The following GDF10 variants were observed in gnomAD, a reference collection of about 807,000 sequenced individuals.
GDF10 encodes the protein growth differentiation factor 10, also known as growth/differentiation factor 10.
In GDF10, 23 loss-of-function variants were observed where a neutral mutation model predicts 32.1. That is an observed-to-expected ratio of 0.72 (90% CI 0.52 to 1.02). The LOEUF (loss-of-function observed/expected upper bound fraction) is 1.02. Among genes scored for constraint, GDF10 ranks in the 50% least tolerant of loss-of-function variants. The pLI is 0.00. For synonymous variants in GDF10, 328 were observed against 303.1 expected (o/e 1.08, Z -0.85); for missense variants, 764 against 673.9 (o/e 1.13, Z -1.48).
At chr10:47,302,398 G>A (rs989331669) in intron 1 of GDF10, among the ~76,000 whole-genome samples, 2 of 152,210 alleles carry the variant, frequency 1.3e-5, no homozygotes, top group Non-Finnish European at 2.9e-5. Flanking sequence ...ATTCCTGTGG[G>A]TTTAAACTTG....
At chr10:47,312,412 T>C (rs2061049750) in intron 2 of GDF10, among the ~76,000 whole-genome samples, 189 bp from the exon 3 acceptor site, 1 of 152,120 alleles carries the variant, frequency 6.6e-6, no homozygotes, top group African/African-American at 2.4e-5. Flanking sequence ...ACTCAGCGTA[T>C]GTCTGATTTT....
At chr10:47,304,266 A>G (rs1346084294) in intron 1 of GDF10, among the ~76,000 whole-genome samples, 1 of 152,108 alleles carries the variant, frequency 6.6e-6, no homozygotes, top group Non-Finnish European at 1.5e-5. Flanking sequence ...GGCCATGGAG[A>G]GCCATGAGTA....
At chr10:47,303,215 G>T (rs1326138227) in intron 1 of GDF10, among the ~76,000 whole-genome samples, 2 of 152,194 alleles carry the variant, frequency 1.3e-5, no homozygotes, top group Non-Finnish European at 1.5e-5. Flanking sequence ...CTTCAGCTCT[G>T]GTCCGAGAAC....
chr10:47,305,609 A>C, intron 1 of GDF10, among the ~76,000 whole-genome samples: 1 of 152,302 alleles, frequency 6.6e-6, no homozygotes, highest in Non-Finnish European at 1.5e-5. Flanking sequence ...CAGTGGGTGA[A>C]GGGACAGATC....
chr10:47,303,507 T>G (rs1377144457), intron 1 of GDF10, among the ~76,000 whole-genome samples: 4 of 152,134 alleles, frequency 2.6e-5, no homozygotes, highest in Admixed American at 6.5e-5. Flanking sequence ...CTTATAGGAT[T>G]TTTTTTAATG....
chr10:47,302,077 T>C (rs1555206894), intron 1 of GDF10, among the ~76,000 whole-genome samples: 1 of 152,208 alleles, frequency 6.6e-6, no homozygotes, highest in Non-Finnish European at 1.5e-5. Flanking sequence ...TCCAGGCCAA[T>C]TGGATCTAAC....
In GDF10 at chr10:47,310,075, T is replaced by C. The variant is rs782252429; in HGVS notation, c.599T>C (p.Leu200Pro). 5 of 1,606,686 alleles carry C rather than the reference T, an allele frequency of 3.1e-6. No homozygotes were observed. In the African/African-American group the frequency reaches 6.7e-5, roughly 21 times the overall value. ...AMALAPPPRGLWQAKDISPIV... is the reference protein window; with the variant it reads ...AMALAPPPRGPWQAKDISPIV... ...GCCCTGGCGCCCCCACCGCGCGGCC[T>C]GTGGCAGGCCAAGGACATCTCCCCC... The change falls in exon 2 of 3, where the codon CTG (leucine) becomes CCG (proline). Residue 200 changes from leucine (L) to proline (P), a missense_variant. By Grantham distance (98) the Leu-to-Pro change is moderately conservative (BLOSUM62 -3). Coordinates refer to ENST00000580279, the MANE Select transcript of GDF10 (RefSeq NM_004962.5).
At position 47,300,680 on chromosome 10, in the gene GDF10, C is replaced by T. The variant is rs2061000531; in HGVS notation, c.29C>T (p.Pro10Leu). 2 of 1,603,602 alleles carry T rather than the reference C, an allele frequency of 1.2e-6. No homozygotes were observed. The highest frequency in any genetic ancestry group is 1.7e-6 in the Non-Finnish European group (2 of 1,176,870). ...GCTCATGTCCCCGCTCGGACCAGCC[C>T]GGGACCCGGGCCCCAGCTGCTGCTG... Reference protein sequence around the residue: MAHVPARTSPGPGPQLLLLL... With the variant: MAHVPARTSLGPGPQLLLLL... Residue 10 changes from proline (P) to leucine (L), a missense_variant, in exon 1 of 3, where the codon CCG becomes CTG. Pro to Leu is a moderately conservative substitution (Grantham distance 98). Coordinates refer to ENST00000580279, the MANE Select transcript of GDF10 (RefSeq NM_004962.5).
At chr10:47,308,658 G>T (rs1555207313) in intron 1 of GDF10, among the ~76,000 whole-genome samples, 1 of 152,112 alleles carries the variant, frequency 6.6e-6, no homozygotes, top group Non-Finnish European at 1.5e-5. Context: ...CACTTCCCGG[G>T]CTTGGGAGCC....
chr10:47,311,842 C>T (rs1555207809), intron 2 of GDF10, among the ~76,000 whole-genome samples: 2 of 152,230 alleles, frequency 1.3e-5, no homozygotes, highest in Non-Finnish European at 1.5e-5. Context: ...CACACCCACA[C>T]AAGAGGGCTT....
At chr10:47,303,241 T>C (rs1555206968) in intron 1 of GDF10, among the ~76,000 whole-genome samples, 2 of 152,212 alleles carry the variant, frequency 1.3e-5, no homozygotes, top group African/African-American at 4.8e-5. Context: ...AGTCTCAGCC[T>C]GCTCCCCAGT....
In GDF10 at chr10:47,312,946, G is replaced by T; in HGVS notation, c.*154G>T. On this transcript the variant is annotated 3_prime_UTR_variant, in exon 3 of 3. Transcript: ENST00000580279. ...AGAGCTGTCCGCCAGTGCATCATTA[G>T]GGGGTCTTTCATTGCTAGTGACTAG... The T allele has an allele frequency of 2.1e-6, 1 of 481,872 alleles. No homozygotes were observed. The highest frequency in any genetic ancestry group is 4.9e-5 in the South Asian group (1 of 20,458). 29.8% of individuals were successfully genotyped at this position (481,872 alleles called of 1,614,324 possible).
chr10:47,300,606 G>T lies in GDF10; in HGVS notation c.-46G>T. On this transcript the variant is annotated 5_prime_UTR_variant, in exon 1 of 3. Coordinates refer to ENST00000580279, the MANE Select transcript of GDF10 (RefSeq NM_004962.5). Reference sequence around the variant, plus strand: ...CGCAGCCTCCGGTGCGCCAGCGCTCGCCTTCCTCCTCCTGGACTTCGGCCC... The same window carrying T: ...CGCAGCCTCCGGTGCGCCAGCGCTCTCCTTCCTCCTCCTGGACTTCGGCCC... 4 of 1,512,396 alleles carry T rather than the reference G, an allele frequency of 2.6e-6. No homozygotes were observed. Among genetic ancestry groups the T allele is most frequent in the Non-Finnish European group, 3.5e-6 (4 of 1,128,266 alleles). 93.7% of individuals were successfully genotyped at this position (1,512,396 alleles called of 1,614,324 possible).
At position 47,310,330 on chromosome 10, in the gene GDF10, A is replaced by C. The variant is rs782376206; in HGVS notation, c.854A>C (p.Asp285Ala). Residue 285 changes from aspartate (D) to alanine (A), a missense_variant, in exon 2 of 3, where the codon GAC becomes GCC. Coordinates refer to ENST00000580279, the MANE Select transcript of GDF10 (RefSeq NM_004962.5). ...CGCGCAGCCCCCAACAACTCAGCGG[A>C]CCCCCGCGTGCGCCGAGCCGCGCAG... ...EPRAAPNNSA[D>A]PRVRRAAQAT... 1.9e-6 allele frequency: 3 copies of C among 1,604,548 alleles called. No homozygotes were observed. The highest frequency in any genetic ancestry group is 1.7e-6 in the Non-Finnish European group (2 of 1,176,514).
intron 1 of GDF10, among the ~76,000 whole-genome samples, chr10:47,304,375 A>G (rs1436549891): frequency 2.9e-5 from 4 of 138,284 alleles, no homozygotes; most frequent in Non-Finnish European, 6.2e-5. Context: ...AATAGAGGGG[A>G]GAGAGAGAAA....
rs531646376 is a variant in GDF10 at position 47,309,628 on chromosome 10, C to CTCA, written c.320-164_320-162dup. 2.0e-4 allele frequency among the ~76,000 whole-genome samples: 30 copies of CTCA among 152,322 alleles called. 1 individual carries two copies. The South Asian group carries it at 5.0e-3, about 25-fold the overall frequency. The stretch of plus-strand genomic sequence containing the variant: ...TGCACTGAGGATTGCAAAGGGCGCC[C>CTCA]TCATCAGTTTCATGTGAGGATTACA... On this transcript the variant is annotated intron_variant, in intron 1 of 2. Coordinates refer to ENST00000580279, the MANE Select transcript of GDF10 (RefSeq NM_004962.5).
intron 2 of GDF10, among the ~76,000 whole-genome samples, chr10:47,311,544 A>T (rs1280026443): frequency 6.6e-6 from 1 of 152,252 alleles, no homozygotes; most frequent in Non-Finnish European, 1.5e-5. Context: ...GGAAGTCCAG[A>T]CCCAGACATG....
At chr10:47,302,937 G>A (rs1377325714) in intron 1 of GDF10, among the ~76,000 whole-genome samples, 1 of 152,216 alleles carries the variant, frequency 6.6e-6, no homozygotes, top group African/African-American at 2.4e-5. Context: ...CAGTGGCACA[G>A]GTTAGTTTAC....
chr10:47,307,393 G>A (rs181466853), intron 1 of GDF10, among the ~76,000 whole-genome samples: 1 of 152,324 alleles, frequency 6.6e-6, no homozygotes, highest in Non-Finnish European at 1.5e-5. Context: ...AAATAATGAC[G>A]TTCTCTTCAA....
Sources: gnomAD v4.1 joint callset for allele counts (sites outside exome capture counted in the v4.1 genomes callset) on GRCh38, gnomAD v4.1.1 for gene constraint, MANE v1.5 for transcripts, NCBI Gene and HGNC (gene_info 2026-07-23, HGNC 2026-07-21) for gene names.